Variants in RESF1 observed in about 807,000 individuals in gnomAD.
RESF1 encodes retroelement silencing factor 1.
Under a neutral mutation model 134.7 loss-of-function variants are expected in RESF1, and 65 were observed. That is an observed-to-expected ratio of 0.48 (90% CI 0.40 to 0.59). The LOEUF (loss-of-function observed/expected upper bound fraction) is 0.59, where lower values mean the gene tolerates loss of function less well. RESF1 is among the 20% of genes least tolerant of loss of function. The pLI is 0.00. For missense variants in RESF1, 2,274 were observed against 2,002.7 expected (o/e 1.14, Z -2.59); for synonymous variants, 762 against 702.2 (o/e 1.09, Z -1.35).
At chr12:31,979,553 T>A (rs921796974) in intron 3 of RESF1, among the ~76,000 whole-genome samples, 4 of 151,714 alleles carry the variant, frequency 2.6e-5, no homozygotes, top group Admixed American at 6.6e-5. Flanking sequence ...TTTTGTTTTT[T>A]AAAAAAAACA....
Position 31,983,967 on chromosome 12 carries a change from AAGC to A in RESF1, c.3014_3016del (p.Ser1005del). 6.2e-7 allele frequency: 1 copy of A among 1,613,618 alleles called. No homozygotes were observed. Among genetic ancestry groups the A allele is most frequent in the South Asian group, 1.1e-5 (1 of 90,992 alleles). On this transcript the variant is annotated inframe_deletion, in exon 4 of 6. Transcript: ENST00000312561. ...GTAGTTTGGAGCATGCCACTGAAAAAAGCACAGCTAACGATACGTGCTCGTCAG... is the reference window on the plus strand; with the variant it reads ...GTAGTTTGGAGCATGCCACTGAAAAAACAGCTAACGATACGTGCTCGTCAG...
intron 3 of RESF1, among the ~76,000 whole-genome samples, chr12:31,972,891 TTA>T (rs778635625): frequency 7.9e-5 from 12 of 152,216 alleles, no homozygotes; most frequent in Non-Finnish European, 1.3e-4. Context: ...CTTTTTGTTT[TTA>T]TGTCTCGTCT....
intron 2 of RESF1, among the ~76,000 whole-genome samples, chr12:31,962,991 C>T (rs1006680289): frequency 2.6e-5 from 4 of 152,002 alleles, no homozygotes; most frequent in Non-Finnish European, 5.9e-5. Context: ...CCCGGCTATC[C>T]GGGAGGCAGA....
At chr12:31,959,759 C>T (rs1193039263) in intron 1 of RESF1, 1 of 151,718 alleles carries the variant, frequency 6.6e-6, no homozygotes, top group Non-Finnish European at 1.5e-5. Context: ...GGCCCTGGGC[C>T]TCCGCGGATG....
At chr12:31,973,311 A>C (rs1247631384) in intron 3 of RESF1, among the ~76,000 whole-genome samples, 1 of 141,208 alleles carries the variant, frequency 7.1e-6, no homozygotes, top group Non-Finnish European at 1.5e-5. Context: ...CATGGATTTG[A>C]CTTTTTTTTT....
intron 5 of RESF1, among the ~76,000 whole-genome samples, chr12:31,989,970 A>G (rs1377177466): frequency 6.6e-6 from 1 of 152,240 alleles, no homozygotes; most frequent in African/African-American, 2.4e-5. Context: ...AAGAGCAGTG[A>G]GAGGCCTGAC....
At chr12:31,977,500 T>G (rs1486542108) in intron 3 of RESF1, among the ~76,000 whole-genome samples, 1 of 152,176 alleles carries the variant, frequency 6.6e-6, no homozygotes, top group Non-Finnish European at 1.5e-5. Flanking sequence ...TTCTGGAAAC[T>G]TTAAAACGAT....
At chr12:31,989,608 T>A (rs1940054126) in intron 5 of RESF1, among the ~76,000 whole-genome samples, 1 of 152,018 alleles carries the variant, frequency 6.6e-6, no homozygotes, top group Non-Finnish European at 1.5e-5. Context: ...TACCAGCACT[T>A]TGGGAGGCCG....
chr12:31,967,642 G>A (rs373115722), intron 2 of RESF1, among the ~76,000 whole-genome samples: 6 of 67,162 alleles, frequency 8.9e-5, no homozygotes, highest in African/African-American at 3.0e-4. Context: ...CACAACACCA[G>A]CCTGCCTCCG....
At chr12:31,968,749 A>G (rs1939450937) in intron 2 of RESF1, among the ~76,000 whole-genome samples, 1 of 152,154 alleles carries the variant, frequency 6.6e-6, no homozygotes, top group Admixed American at 6.5e-5. Context: ...CGCCCGGCCT[A>G]GGACTTCTCT....
At chr12:31,971,323 G>T (rs972757549) in intron 3 of RESF1, among the ~76,000 whole-genome samples, 3 of 152,108 alleles carry the variant, frequency 2.0e-5, no homozygotes, top group Non-Finnish European at 4.4e-5. Context: ...TTTGTATTTG[G>T]TGGAGACGGG....
In RESF1 at chr12:31,981,475, A is replaced by T; in HGVS notation, c.520A>T (p.Thr174Ser). Reference protein sequence around the residue: ...MQMQMIPSNSTRLPVAYQGNQ... With the variant: ...MQMQMIPSNSSRLPVAYQGNQ... The stretch of plus-strand genomic sequence containing the variant: ...AATGCAGATGATCCCTTCTAATTCT[A>T]CACGACTTCCTGTAGCTTACCAAGG... Residue 174 changes from threonine (T) to serine (S), a missense_variant, in exon 4 of 6, where the codon ACA (threonine) becomes TCA (serine). Coordinates refer to ENST00000312561, the MANE Select transcript of RESF1 (RefSeq NM_018169.4). 1 of 1,614,126 alleles carries T rather than the reference A, an allele frequency of 6.2e-7. No homozygotes were observed.
chr12:31,974,433 G>A (rs962327727), intron 3 of RESF1, among the ~76,000 whole-genome samples: 1 of 152,064 alleles, frequency 6.6e-6, no homozygotes, highest in Non-Finnish European at 1.5e-5. Context: ...CCGGCGGCTA[G>A]AAGTCCAGGG....
chr12:31,987,313 C>CAAGA lies in RESF1; in HGVS notation c.5078_5081dup (p.Asp1696GlufsTer3), dbSNP rs1565489042. On this transcript the variant is annotated frameshift_variant, in exon 5 of 6. Transcript: ENST00000312561. LOFTEE classifies it low-confidence loss of function (END_TRUNC). Reference sequence around the variant, plus strand: ...AAAGAAAAGGACACAGAAAGACAGCCAAGAGAGAGGTAAAGTCATCTTTTT... The same window carrying CAAGA: ...AAAGAAAAGGACACAGAAAGACAGCCAAGAAAGAGAGAGGTAAAGTCATCTTTTT... 1 of 1,593,742 alleles carries CAAGA rather than the reference C, an allele frequency of 6.3e-7. No homozygotes were observed. The highest frequency in any genetic ancestry group is 2.2e-5 in the East Asian group (1 of 44,608).
rs1343868640 is a variant in RESF1, at chr12:31,982,716, G to A, written c.1761G>A (p.Leu587=). Residue 587 remains leucine (L), a synonymous_variant, in exon 4 of 6, where the codon TTG becomes TTA. Coordinates refer to ENST00000312561, the MANE Select transcript of RESF1 (RefSeq NM_018169.4). The part of the protein sequence containing the change: ...IQNENMLLLA[L]LSQARKTQKT... ...ATGAAAATATGCTACTTCTCGCTTT[G>A]CTTTCACAGGCACGTAAGACTCAGA... 1 of 1,613,838 alleles carries A rather than the reference G, an allele frequency of 6.2e-7. No individual in the cohort carries two copies. Among genetic ancestry groups the A allele is most frequent in the Admixed American group, 1.7e-5 (1 of 60,018 alleles).
In RESF1 at chr12:31,985,237, A is replaced by G. The variant is rs748257922; in HGVS notation, c.4282A>G (p.Thr1428Ala). The change falls in exon 4 of 6, where the codon ACT becomes GCT. Residue 1428 changes from threonine to alanine, a missense_variant. Transcript: ENST00000312561. ...AIVKEKMVSNTKSVDTKASSS... is the reference protein window; with the variant it reads ...AIVKEKMVSNAKSVDTKASSS... ...TGTTAAAGAAAAGATGGTATCAAATACTAAGTCTGTAGACACGAAAGCGAG... is the reference window on the plus strand; with the variant it reads ...TGTTAAAGAAAAGATGGTATCAAATGCTAAGTCTGTAGACACGAAAGCGAG... The G allele has an allele frequency of 5.0e-6, 8 of 1,601,994 alleles. No homozygotes were observed. In the South Asian group the frequency reaches 7.9e-5, roughly 16 times the overall value.
Position 31,985,865 on chromosome 12 carries a change from T to C in RESF1, c.4910T>C (p.Leu1637Ser). The C allele has an allele frequency of 6.4e-7, 1 of 1,552,414 alleles. No homozygotes were observed. Among genetic ancestry groups the C allele is most frequent in the Non-Finnish European group, 8.6e-7 (1 of 1,158,384 alleles). Residue 1637 changes from leucine (L) to serine (S), a missense_variant, in exon 4 of 6, where the codon TTA becomes TCA. By Grantham distance (145) the Leu-to-Ser change is moderately radical. Transcript: ENST00000312561. ...AAATCAAACATGCTGGAGTTTAAAT[T>C]ATGTCCAGATATCTTACTAAAGAAT... ...TEKSNMLEFK[L>S]CPDILLKNTN...
In RESF1 at chr12:31,982,423, C is replaced by A. The variant is rs1386076864; in HGVS notation, c.1468C>A (p.Gln490Lys). Reference protein sequence around the residue: ...KTQCMLNSDIQEVNCRRFNQV... With the variant: ...KTQCMLNSDIKEVNCRRFNQV... Reference sequence around the variant, plus strand: ...TCAATGTATGTTGAATTCTGACATTCAGGAAGTCAATTGCAGAAGGTTTAA... The same window carrying A: ...TCAATGTATGTTGAATTCTGACATTAAGGAAGTCAATTGCAGAAGGTTTAA... Residue 490 changes from glutamine (Q) to lysine (K), a missense_variant, in exon 4 of 6, where the codon CAG becomes AAG. Physicochemically the swap from Gln to Lys is moderately conservative, Grantham distance 53. Coordinates refer to ENST00000312561, the MANE Select transcript of RESF1 (RefSeq NM_018169.4). 2 of 1,614,016 alleles carry A rather than the reference C, an allele frequency of 1.2e-6. No homozygotes were observed. The highest frequency in any genetic ancestry group is 2.2e-5 in the East Asian group (1 of 44,886).
rs544800970 is a variant in RESF1, at chr12:31,987,113, G to A, written c.5003-126G>A. ...TTTTTCCAGTCCTTTTTTTAGAGTTGTGTTACATGTGGTTATATCTAGGGC... is the reference window on the plus strand; with the variant it reads ...TTTTTCCAGTCCTTTTTTTAGAGTTATGTTACATGTGGTTATATCTAGGGC... On this transcript the variant is annotated intron_variant, in intron 4 of 5. Coordinates refer to ENST00000312561, the MANE Select transcript of RESF1 (RefSeq NM_018169.4). 313 of 595,380 alleles carry A rather than the reference G, an allele frequency of 5.3e-4. 4 individuals carry two copies. The highest frequency in any genetic ancestry group is 8.7e-4 in the Middle Eastern group (2 of 2,294). The allele number at this position is 595,380 out of a possible 1,614,324, so 36.9% of individuals were successfully genotyped here. A position where few individuals can be genotyped will look rare whatever the true frequency, so the allele number is the denominator to read the frequency against.
Sources: allele counts gnomAD v4.1 joint callset (sites outside exome capture counted in the v4.1 genomes callset), GRCh38; gene constraint gnomAD v4.1.1; transcripts MANE v1.5; gene names NCBI Gene and HGNC (gene_info 2026-07-23, HGNC 2026-07-21).